DNAI3: variants seen among roughly 807,000 people sequenced by gnomAD.
The protein encoded by DNAI3 is dynein axonemal intermediate chain 3.
A neutral mutation model predicts 115.5 loss-of-function variants in DNAI3; 83 were observed. The observed-to-expected ratio is 0.72, with a 90% CI of 0.60 to 0.86. The LOEUF (loss-of-function observed/expected upper bound fraction) is 0.86, where lower values mean the gene tolerates loss of function less well. Among genes scored for constraint, DNAI3 ranks in the 40% least tolerant of loss-of-function variants. The pLI, the probability that DNAI3 is intolerant of heterozygous loss-of-function variation, is 0.00. For missense variants in DNAI3, 1,004 were observed against 1,075.8 expected (o/e 0.93, Z 0.93); for synonymous variants, 320 against 347.0 (o/e 0.92, Z 0.86).
intron 14 of DNAI3, among the ~76,000 whole-genome samples, chr1:85,105,030 T>C (rs1428842554): frequency 6.6e-6 from 1 of 152,190 alleles, no homozygotes; most frequent in East Asian, 1.9e-4. Context: ...TTGAAGAAGA[T>C]TTACTTAAAT....
intron 13 of DNAI3, among the ~76,000 whole-genome samples, chr1:85,104,176 G>A (rs534036869): frequency 3.4e-5 from 5 of 146,804 alleles, no homozygotes; most frequent in South Asian, 2.1e-4. Context: ...GCTGGAGTGC[G>A]ATGGCACCAT....
rs1656050052 is a variant in DNAI3 at position 85,123,658 on chromosome 1, T to G, written c.1982-463T>G. On this transcript the variant is annotated intron_variant, in intron 18 of 22. Transcript: ENST00000294664. ...ATCCTCTTGTTATTCTTACTTGTAA[T>G]ATTTTTTCCTTCACAACACTTTTCA... is the stretch of plus-strand genomic sequence containing the variant. Among the ~76,000 whole-genome samples, 5 of 152,230 alleles carry G rather than the reference T, an allele frequency of 3.3e-5. No individual in the cohort carries two copies. In the South Asian group the frequency reaches 1.0e-3, roughly 31 times the overall value.
chr1:85,081,410 G>T lies in DNAI3; in HGVS notation c.280G>T (p.Val94Phe). The T allele has an allele frequency of 6.4e-7, 1 of 1,572,348 alleles. No homozygotes were observed. The highest frequency in any genetic ancestry group is 8.6e-7 in the Non-Finnish European group (1 of 1,167,132). Residue 94 changes from valine (V) to phenylalanine (F), a missense_variant, in exon 4 of 23, where the codon GTC becomes TTC. Val to Phe is a conservative substitution (Grantham distance 50, BLOSUM62 -1). This residue lies in a region of DNAI3 where 550 missense variants were observed against 568.1 expected (regional missense o/e 0.97). Transcript: ENST00000294664. ...TGATTTCCACCCAGTCAAAAAAATT[G>T]TCCAGGTAAGCACAATATCCCTATT... is the stretch of plus-strand genomic sequence containing the variant. ...VSDFHPVKKI[V>F]QEYPGNELLL...
intron 13 of DNAI3, among the ~76,000 whole-genome samples, chr1:85,103,616 A>G (rs1655394736): frequency 6.6e-6 from 1 of 152,106 alleles, no homozygotes; most frequent in African/African-American, 2.4e-5. Context: ...GGCCGGGCGC[A>G]TGGCTCATGC....
intron 16 of DNAI3, among the ~76,000 whole-genome samples, chr1:85,115,201 G>A (rs143479035): frequency 6.6e-6 from 1 of 152,244 alleles, no homozygotes; most frequent in African/African-American, 2.4e-5. Context: ...GGAAGATGAG[G>A]GGAGTAAATA....
intron 1 of DNAI3, among the ~76,000 whole-genome samples, chr1:85,065,643 G>T (rs1173322036): frequency 1.3e-5 from 2 of 152,102 alleles, no homozygotes; most frequent in Non-Finnish European, 2.9e-5. Flanking sequence ...GATAGTTCTT[G>T]TTATCAGGCA....
intron 13 of DNAI3, among the ~76,000 whole-genome samples, chr1:85,099,586 A>G (rs1036359300): frequency 6.6e-6 from 1 of 152,210 alleles, no homozygotes; most frequent in African/African-American, 2.4e-5. Flanking sequence ...CATCCCCATC[A>G]GGCTACCAAT....
intron 13 of DNAI3, among the ~76,000 whole-genome samples, chr1:85,102,354 AAAAT>A (rs1165738849): frequency 7.9e-5 from 12 of 152,332 alleles, no homozygotes; most frequent in African/African-American, 2.6e-4. Context: ...GCATCAATAA[AAAAT>A]AAAAAGTAAA....
chr1:85,088,422 G>A (rs1324129293), intron 7 of DNAI3, among the ~76,000 whole-genome samples: 1 of 152,128 alleles, frequency 6.6e-6, no homozygotes, highest in Non-Finnish European at 1.5e-5. Context: ...CTGGTACCAT[G>A]CATTACAAGC....
At chr1:85,086,758 A>G (rs1162239981) in intron 7 of DNAI3, among the ~76,000 whole-genome samples, 2 of 151,890 alleles carry the variant, frequency 1.3e-5, no homozygotes, top group African/African-American at 4.8e-5. Flanking sequence ...TGCTTGGATT[A>G]CTGTAATTCC....
intron 21 of DNAI3, 65 bp from the exon 22 acceptor site, chr1:85,129,925 G>C: frequency 6.6e-7 from 1 of 1,520,898 alleles, no homozygotes; most frequent in Non-Finnish European, 8.8e-7. Flanking sequence ...AATTCTAACA[G>C]AGCCTTGTAA....
chr1:85,071,098 A>G (rs529542303), intron 1 of DNAI3, among the ~76,000 whole-genome samples: 1 of 152,358 alleles, frequency 6.6e-6, no homozygotes, highest in Non-Finnish European at 1.5e-5. Flanking sequence ...TATTTCATTA[A>G]GTCTTCACAA....
chr1:85,084,993 T>A (rs1654756369), intron 6 of DNAI3, among the ~76,000 whole-genome samples: 1 of 152,094 alleles, frequency 6.6e-6, no homozygotes, highest in African/African-American at 2.4e-5. Context: ...TGGAGTAGGG[T>A]AGGTCCCTAA....
In DNAI3 at chr1:85,110,177, C is replaced by T. The variant is rs369054958; in HGVS notation, c.1786+42C>T. On this transcript the variant is annotated intron_variant, in intron 16 of 22. Transcript: ENST00000294664. ...ATTTAAAAAAAAAAAAAAGGCCGGG[C>T]GCGGTGGCTCACGCCTGTAATCCCA... 3.1e-5 allele frequency: 47 copies of T among 1,498,262 alleles called. No individual in the cohort carries two copies. In the East Asian group the frequency reaches 8.5e-4, roughly 27 times the overall value. The allele number at this position is 1,498,262 out of a possible 1,614,324, so 92.8% of individuals were successfully genotyped here.
chr1:85,068,309 T>C (rs373950437), intron 1 of DNAI3, among the ~76,000 whole-genome samples: 38 of 152,296 alleles, frequency 2.5e-4, no homozygotes, highest in Middle Eastern at 3.4e-3. Context: ...TCCATCTCAA[T>C]AAATAGCAAC....
At chr1:85,079,711 C>T (rs1654571577) in intron 3 of DNAI3, among the ~76,000 whole-genome samples, 1 of 152,098 alleles carries the variant, frequency 6.6e-6, no homozygotes, top group African/African-American at 2.4e-5. Context: ...AGGCAAAATT[C>T]TCCTTTGTCC....
chr1:85,085,846 T>G lies in DNAI3; in HGVS notation c.556T>G (p.Ser186Ala), dbSNP rs1654785626. 1 of 1,614,100 alleles carries G rather than the reference T, an allele frequency of 6.2e-7. No individual in the cohort carries two copies. Among genetic ancestry groups the G allele is most frequent in the Admixed American group, 1.7e-5 (1 of 60,022 alleles). Residue 186 changes from serine (S) to alanine (A), a missense_variant, in exon 7 of 23, where the codon TCT (serine) becomes GCT (alanine). Ser to Ala is a moderately conservative substitution (Grantham distance 99). Transcript: ENST00000294664. ...ESTKQITYMI[S>A]RKRSEFGAPI... ...TGTGTTACAGATTACATATATGATT[T>G]CTCGAAAACGAAGTGAATTTGGTGC...
At chr1:85,131,558 G>T (rs569541869) in intron 22 of DNAI3, among the ~76,000 whole-genome samples, 55 of 150,818 alleles carry the variant, frequency 3.6e-4, no homozygotes, top group African/African-American at 1.0e-3. Flanking sequence ...TGCAATAAAA[G>T]CAGAGGATCT....
intron 1 of DNAI3, 134 bp from the exon 2 acceptor site, chr1:85,071,794 A>G: frequency 1.2e-6 from 1 of 800,058 alleles, no homozygotes; most frequent in Non-Finnish European, 2.0e-6. Context: ...CTATGAAGAT[A>G]CAGGTTGATT....
Sources: gnomAD v4.1 joint callset for allele counts (sites outside exome capture counted in the v4.1 genomes callset) on GRCh38, gnomAD v4.1.1 for gene constraint, gnomAD v4.1.1 regional missense constraint, MANE v1.5 for transcripts, NCBI Gene and HGNC (gene_info 2026-07-23, HGNC 2026-07-21) for gene names.